The following ZMAT4 variants were observed in gnomAD, a reference collection of about 807,000 sequenced individuals.
ZMAT4 encodes zinc finger matrin-type protein 4.
A neutral mutation model predicts 28.7 loss-of-function variants in ZMAT4; 17 were observed. The observed-to-expected ratio is 0.59, with a 90% CI of 0.41 to 0.89. ZMAT4 has a LOEUF of 0.89. Ranked by LOEUF, ZMAT4 falls within the 40% of genes least tolerant of loss-of-function variation. The pLI is 0.00. For synonymous variants in ZMAT4, 117 were observed against 109.2 expected, an observed-to-expected ratio of 1.07 and a Z score of -0.44; for missense variants, 240 against 283.8, an observed-to-expected ratio of 0.85 and a Z score of 1.11.
intron 1 of ZMAT4, among the ~76,000 whole-genome samples, chr8:40,835,609 C>A (rs563236008): frequency 1.4e-4 from 21 of 152,184 alleles, no homozygotes; most frequent in Non-Finnish European, 2.8e-4. Context: ...CATGATTTAT[C>A]TTCACAAGAC....
chr8:40,865,079 T>C (rs1817629429), intron 1 of ZMAT4, among the ~76,000 whole-genome samples: 1 of 152,172 alleles, frequency 6.6e-6, no homozygotes, highest in African/African-American at 2.4e-5. Context: ...TGGCAAATTT[T>C]GATGCAAGAT....
intron 5 of ZMAT4, among the ~76,000 whole-genome samples, chr8:40,600,957 A>G (rs1017423691): frequency 5.3e-5 from 8 of 151,958 alleles, no homozygotes; most frequent in Non-Finnish European, 1.2e-4. Context: ...CCACACCTGA[A>G]CTCTTAACTG....
At chr8:40,889,217 C>A (rs1234621434) in intron 1 of ZMAT4, among the ~76,000 whole-genome samples, 6 of 152,234 alleles carry the variant, frequency 3.9e-5, no homozygotes, top group Admixed American at 3.9e-4. Flanking sequence ...AGGATATTCC[C>A]TGCACAGGGA....
intron 3 of ZMAT4, among the ~76,000 whole-genome samples, chr8:40,709,236 T>A (rs1032005055): frequency 3.6e-5 from 5 of 138,752 alleles, no homozygotes; most frequent in African/African-American, 1.3e-4. Context: ...TTTTTATTGT[T>A]GTATTTTTTT....
At chr8:40,567,459 G>A (rs1417037813) in intron 6 of ZMAT4, among the ~76,000 whole-genome samples, 1 of 152,050 alleles carries the variant, frequency 6.6e-6, no homozygotes, top group Admixed American at 6.6e-5. Context: ...AGCCAGGCAT[G>A]GTGGCTCACT....
At chr8:40,653,051 T>C (rs947927174) in intron 5 of ZMAT4, among the ~76,000 whole-genome samples, 1 of 151,896 alleles carries the variant, frequency 6.6e-6, no homozygotes, top group Non-Finnish European at 1.5e-5. Context: ...ACCTGCACAA[T>C]GTGCACATGT....
intron 3 of ZMAT4, among the ~76,000 whole-genome samples, chr8:40,763,268 G>A (rs1451581864): frequency 1.3e-5 from 2 of 152,194 alleles, no homozygotes; most frequent in Non-Finnish European, 2.9e-5. Context: ...ACGATGGGAT[G>A]TTGTGGAGCT....
chr8:40,868,709 A>C (rs571016795), intron 1 of ZMAT4, among the ~76,000 whole-genome samples: 1 of 152,276 alleles, frequency 6.6e-6, no homozygotes, highest in South Asian at 2.1e-4. Flanking sequence ...CCTGTTCCTA[A>C]AGCTGACTGG....
intron 6 of ZMAT4, among the ~76,000 whole-genome samples, chr8:40,579,618 C>T (rs1164110349): frequency 6.6e-6 from 1 of 152,162 alleles, no homozygotes; most frequent in Non-Finnish European, 1.5e-5. Context: ...AATTTTCTCA[C>T]CTGAGCTAGA....
intron 2 of ZMAT4, among the ~76,000 whole-genome samples, chr8:40,773,158 G>A (rs1390901505): frequency 6.6e-6 from 1 of 152,192 alleles, no homozygotes; most frequent in Non-Finnish European, 1.5e-5. Context: ...TCTCTTATTT[G>A]TCAGGGGAAG....
intron 6 of ZMAT4, among the ~76,000 whole-genome samples, chr8:40,566,314 G>C (rs1325037079): frequency 6.6e-6 from 1 of 152,162 alleles, no homozygotes; most frequent in Non-Finnish European, 1.5e-5. Context: ...ACTTGGAAAT[G>C]AAAGCTGCCT....
At chr8:40,687,795 G>T (rs1364542546) in intron 4 of ZMAT4, among the ~76,000 whole-genome samples, 1 of 152,178 alleles carries the variant, frequency 6.6e-6, no homozygotes, top group African/African-American at 2.4e-5. Context: ...CAGGCATTAA[G>T]ATTTCATCTG....
At chr8:40,606,161 G>T (rs2118637577) in intron 5 of ZMAT4, among the ~76,000 whole-genome samples, 1 of 152,206 alleles carries the variant, frequency 6.6e-6, no homozygotes, top group Admixed American at 6.5e-5. Flanking sequence ...GAGCATTTAG[G>T]CCATTTACAT....
At chr8:40,834,144 C>T (rs1315390826) in intron 1 of ZMAT4, among the ~76,000 whole-genome samples, 1 of 152,216 alleles carries the variant, frequency 6.6e-6, no homozygotes, top group Non-Finnish European at 1.5e-5. Flanking sequence ...ACATGCACCT[C>T]ACCCCAGCCG....
chr8:40,884,221 A>G (rs1586221860), intron 1 of ZMAT4, among the ~76,000 whole-genome samples: 1 of 117,938 alleles, frequency 8.5e-6, no homozygotes, highest in Non-Finnish European at 1.7e-5. Context: ...CTGGCTACGG[A>G]CTCCTCTTCC....
At chr8:40,703,868 CTCT>C (rs1810246534) in intron 3 of ZMAT4, among the ~76,000 whole-genome samples, 5 of 152,182 alleles carry the variant, frequency 3.3e-5, no homozygotes, top group Admixed American at 2.0e-4. Flanking sequence ...TCCAGGCATC[CTCT>C]TCTTGTAGGT....
rs189635950 is a variant in ZMAT4 at position 40,644,324 on chromosome 8, G to A, written c.577+30380C>T. ...TCCTTTCAGAAATGGTTATTTCTAG[G>A]ACTGAGGCAGGAAATTTACAAAATG... On this transcript the variant is annotated intron_variant, in intron 5 of 6. Coordinates refer to ENST00000297737, the MANE Select transcript of ZMAT4 (RefSeq NM_024645.3). Among the ~76,000 whole-genome samples, 7 of 152,128 alleles carry A rather than the reference G, an allele frequency of 4.6e-5. No homozygotes were observed. In the East Asian group the frequency reaches 1.4e-3, roughly 29 times the overall value.
chr8:40,680,601 C>A (rs1809114357), intron 4 of ZMAT4, among the ~76,000 whole-genome samples: 2 of 151,990 alleles, frequency 1.3e-5, no homozygotes, highest in East Asian at 3.9e-4. Context: ...TGCCTGTCTG[C>A]CTTCTAGGCC....
intron 5 of ZMAT4, among the ~76,000 whole-genome samples, chr8:40,643,995 A>G (rs1807180510): frequency 6.6e-6 from 1 of 152,154 alleles, no homozygotes; most frequent in Non-Finnish European, 1.5e-5. Flanking sequence ...TCTCCTGAGG[A>G]CAATACTGAG....
Sources: gnomAD v4.1 joint callset for allele counts (sites outside exome capture counted in the v4.1 genomes callset) on GRCh38, gnomAD v4.1.1 for gene constraint, MANE v1.5 for transcripts, NCBI Gene and HGNC (gene_info 2026-07-23, HGNC 2026-07-21) for gene names.